Variants in CFHR4 observed in about 807,000 individuals in gnomAD.
The protein encoded by CFHR4 is complement factor H related 4, also known as complement factor H-related protein 4.
In CFHR4, 64 loss-of-function variants were observed where a neutral mutation model predicts 69.3. The observed-to-expected ratio is 0.92, with a 90% confidence interval of 0.76 to 1.14. CFHR4 has a LOEUF of 1.14. CFHR4 is among the 50% of genes most tolerant of loss of function. The pLI is 0.00. For synonymous variants in CFHR4, 244 were observed against 237.0 expected, an observed-to-expected ratio of 1.03 and a Z score of -0.27; for missense variants, 636 against 684.9, an observed-to-expected ratio of 0.93 and a Z score of 0.80.
chr1:196,914,618 C>T lies in CFHR4; in HGVS notation c.1304C>T (p.Thr435Ile), dbSNP rs774791209. ...TATGAAATCAGTTATGGAAACACCACAGGTTCCATAGTGTGTGGTGAAGAT... is the reference window on the plus strand; with the variant it reads ...TATGAAATCAGTTATGGAAACACCATAGGTTCCATAGTGTGTGGTGAAGAT... ...DGYEISYGNTTGSIVCGEDGW... is the reference protein window; with the variant it reads ...DGYEISYGNTIGSIVCGEDGW... Residue 435 changes from threonine to isoleucine, a missense_variant, in exon 8 of 10, where the codon ACA (threonine) becomes ATA (isoleucine). Physicochemically the swap from Thr to Ile is moderately conservative, Grantham distance 89. Transcript: ENST00000608469. 6.2e-7 allele frequency: 1 copy of T among 1,611,704 alleles called. No homozygotes were observed. Among genetic ancestry groups the T allele is most frequent in the South Asian group, 1.1e-5 (1 of 90,862 alleles).
chr1:196,912,825 A>G lies in CFHR4; in HGVS notation c.1083A>G (p.Gln361=). 1 of 1,608,588 alleles carries G rather than the reference A, an allele frequency of 6.2e-7. No homozygotes were observed. The highest frequency in any genetic ancestry group is 8.5e-7 in the Non-Finnish European group (1 of 1,177,612). ...SSIYILNKEI[Q]YKCKPGYATA... is the part of the protein sequence containing the mutation. ...TTTATATTTTAAATAAAGAAATACA[A>G]TATAAATGTAAACCAGGATATGCAA... Residue 361 remains glutamine, a synonymous_variant, in exon 7 of 10, where the codon CAA becomes CAG. Coordinates refer to ENST00000608469, the MANE Select transcript of CFHR4 (RefSeq NM_001201550.3).
At chr1:196,892,406 T>C (rs79194560) in intron 1 of CFHR4, among the ~76,000 whole-genome samples, 2,294 of 151,674 alleles carry the variant, frequency 0.015, 134 homozygotes, top group African/African-American at 0.052. Context: ...GGTTTTTTTG[T>C]GCCTGTTGTG....
intron 8 of CFHR4, 69 bp downstream of exon 8, chr1:196,914,740 TA>T: frequency 6.9e-7 from 1 of 1,455,942 alleles, no homozygotes. Flanking sequence ...TATGTATATG[TA>T]CACATATGTG....
chr1:196,915,938 A>C lies in CFHR4; in HGVS notation c.1540+800A>C, dbSNP rs1436098544. On this transcript the variant is annotated intron_variant, in intron 9 of 9. Transcript: ENST00000608469. The stretch of plus-strand genomic sequence containing the variant: ...AAAACATGAAATTTTTCCGGATAGA[A>C]TACATAGCTGGTTAACACTGAGAAG... Among the ~76,000 whole-genome samples, 6 of 151,350 alleles carry C rather than the reference A, an allele frequency of 4.0e-5. 1 individual carries two copies. The highest frequency in any genetic ancestry group is 1.5e-4 in the African/African-American group (6 of 41,038).
At chr1:196,905,874 T>G (rs1368644263) in intron 3 of CFHR4, among the ~76,000 whole-genome samples, 1 of 151,486 alleles carries the variant, frequency 6.6e-6, no homozygotes, top group Non-Finnish European at 1.5e-5. Context: ...AACCTCATAC[T>G]TGGCAATGGA....
At chr1:196,906,731 C>T (rs897050761) in intron 3 of CFHR4, 130 bp from the exon 4 acceptor site, 1 of 913,868 alleles carries the variant, frequency 1.1e-6, no homozygotes, top group African/African-American at 1.8e-5. Context: ...GATTGTCGGA[C>T]TATTTTTAAT....
In CFHR4 at chr1:196,888,160, C is replaced by A. The variant is rs950685596; in HGVS notation, c.10C>A (p.Leu4Ile). Reference protein sequence around the residue: MLLLINVILTLWVS... With the variant: MLLIINVILTLWVS... ...ACTGAGAATATCTAACATGTTGTTA[C>A]TAATCAATGTCATTCTGACCTTGTG... The change falls in exon 1 of 10, where the codon CTA becomes ATA. Residue 4 changes from leucine (L) to isoleucine (I), a missense_variant. Transcript: ENST00000608469. 25 of 1,610,928 alleles carry A rather than the reference C, an allele frequency of 1.6e-5. 1 individual carries two copies. The African/African-American group carries it at 2.3e-4, about 15-fold the overall frequency.
chr1:196,897,840 C>A (rs938038479), intron 1 of CFHR4, among the ~76,000 whole-genome samples: 1 of 151,296 alleles, frequency 6.6e-6, no homozygotes, highest in African/African-American at 2.4e-5. Flanking sequence ...ACATGCCTGT[C>A]CTCATTTAGG....
chr1:196,916,873 C>T (rs2124980084), intron 9 of CFHR4, among the ~76,000 whole-genome samples: 1 of 151,526 alleles, frequency 6.6e-6, no homozygotes, highest in South Asian at 2.1e-4. Flanking sequence ...AAGCAAAGAG[C>T]ATTCAAGCAC....
chr1:196,906,630 G>A (rs2124956845), intron 3 of CFHR4, among the ~76,000 whole-genome samples: 1 of 151,332 alleles, frequency 6.6e-6, no homozygotes, highest in African/African-American at 2.4e-5. Flanking sequence ...GTCTTAATAT[G>A]TTTTTCATAG....
At chr1:196,892,243 T>A (rs1252201092) in intron 1 of CFHR4, among the ~76,000 whole-genome samples, 6 of 151,458 alleles carry the variant, frequency 4.0e-5, no homozygotes, top group Non-Finnish European at 8.8e-5. Flanking sequence ...GGATTTTAAG[T>A]GGAGCAATAA....
Position 196,909,877 on chromosome 1 carries a change from C to T in CFHR4, c.800-404C>T, listed in dbSNP as rs141757921. Among the ~76,000 whole-genome samples, 177 of 151,082 alleles carry T rather than the reference C, an allele frequency of 1.2e-3. 12 individuals carry two copies. Among genetic ancestry groups the T allele is most frequent in the African/African-American group, 4.0e-3 (165 of 40,976 alleles). On this transcript the variant is annotated intron_variant, in intron 5 of 9. Coordinates refer to ENST00000608469, the MANE Select transcript of CFHR4 (RefSeq NM_001201550.3). The stretch of plus-strand genomic sequence containing the variant: ...AAAATCTAAAAGAAAACCAGCCAGG[C>T]GCGGTGGCTCACACCTGTAATCCCA...
chr1:196,903,530 G>C (rs974855620), intron 2 of CFHR4, among the ~76,000 whole-genome samples: 8 of 151,104 alleles, frequency 5.3e-5, no homozygotes, highest in African/African-American at 2.0e-4. Context: ...GCACATGCCT[G>C]TAATCCCAGC....
chr1:196,912,791 C>G lies in CFHR4; in HGVS notation c.1049C>G (p.Ser350Cys). 1 of 1,598,978 alleles carries G rather than the reference C, an allele frequency of 6.3e-7. No homozygotes were observed. Among genetic ancestry groups the G allele is most frequent in the Non-Finnish European group, 8.5e-7 (1 of 1,172,770 alleles). The change falls in exon 7 of 10, where the codon TCT (serine) becomes TGT (cysteine). Residue 350 changes from serine (S) to cysteine (C), a missense_variant. By Grantham distance (112) the Ser-to-Cys change is moderately radical (BLOSUM62 -1). Around this residue, in one of 3 missense-constraint regions of CFHR4, gnomAD observed 529 missense variants for 533.2 expected, o/e 0.99. Coordinates refer to ENST00000608469, the MANE Select transcript of CFHR4 (RefSeq NM_001201550.3). The stretch of plus-strand genomic sequence containing the variant: ...ATTGAAAATGGATTCATTTCTGAAT[C>G]TTCCTCTATTTATATTTTAAATAAA... Reference protein sequence around the residue: ...IEIENGFISESSSIYILNKEI... With the variant: ...IEIENGFISECSSIYILNKEI...
intron 1 of CFHR4, among the ~76,000 whole-genome samples, chr1:196,893,067 G>A (rs946270204): frequency 1.3e-5 from 2 of 151,728 alleles, no homozygotes; most frequent in Non-Finnish European, 2.9e-5. Context: ...AATCTCCACT[G>A]CGTGGTTCAC....
chr1:196,918,526 T>C lies in CFHR4; in HGVS notation c.*120T>C, dbSNP rs1658790583. ...TCTACTTTATTTCAAAGAAAATTAA[T>C]ATAATAGTTTCAATTTGCAACTTAA... On this transcript the variant is annotated 3_prime_UTR_variant, in exon 10 of 10. Coordinates refer to ENST00000608469, the MANE Select transcript of CFHR4 (RefSeq NM_001201550.3). 6 of 1,038,794 alleles carry C rather than the reference T, an allele frequency of 5.8e-6. No homozygotes were observed. The highest frequency in any genetic ancestry group is 8.7e-6 in the Non-Finnish European group (6 of 691,750). The allele number at this position is 1,038,794 out of a possible 1,614,324, so 64.3% of individuals were successfully genotyped here.
rs1201597415 is a variant in CFHR4 at position 196,902,362 on chromosome 1, T to C, written c.59-56T>C. ...ATTTATTGATCAAAAATGTCATATA[T>C]GATTATCTGTTATAGAAAAACATTA... is the stretch of plus-strand genomic sequence containing the variant. On this transcript the variant is annotated intron_variant, in intron 1 of 9. Coordinates refer to ENST00000608469, the MANE Select transcript of CFHR4 (RefSeq NM_001201550.3). The C allele has an allele frequency of 1.0e-5, 12 of 1,189,104 alleles. 1 individual carries two copies. The highest frequency in any genetic ancestry group is 2.8e-5 in the South Asian group (2 of 72,646). The allele number at this position is 1,189,104 out of a possible 1,614,324, so 73.7% of individuals were successfully genotyped here. A position where few individuals can be genotyped will look rare whatever the true frequency, so the allele number is the denominator to read the frequency against.
chr1:196,910,170 A>AT, intron 5 of CFHR4, 111 bp from the exon 6 acceptor site: 11 of 707,110 alleles, frequency 1.6e-5, no homozygotes, highest in South Asian at 3.0e-5. Flanking sequence ...AAAAAAGTAA[A>AT]GAAAAAAAAA....
chr1:196,917,688 A>G (rs1197665936), intron 9 of CFHR4, among the ~76,000 whole-genome samples: 9 of 150,450 alleles, frequency 6.0e-5, no homozygotes, highest in South Asian at 4.1e-4. Context: ...ATGTATGTAT[A>G]TATAGAGAGT....
Sources: allele counts gnomAD v4.1 joint callset (sites outside exome capture counted in the v4.1 genomes callset), GRCh38; gene constraint gnomAD v4.1.1; regional missense constraint gnomAD v4.1.1; transcripts MANE v1.5; gene names NCBI Gene and HGNC (gene_info 2026-07-23, HGNC 2026-07-21).